The following CNTNAP2 variants were observed in gnomAD, a reference collection of about 807,000 sequenced individuals.
The protein encoded by CNTNAP2 is contactin-associated protein-like 2.
CNTNAP2 carries 98 observed loss-of-function variants against 155.2 expected under a neutral mutation model. The ratio of observed to expected loss-of-function variants is 0.63; its 90% CI spans 0.54 to 0.75. The LOEUF (loss-of-function observed/expected upper bound fraction) is 0.75, where lower values mean the gene tolerates loss of function less well. Among genes scored for constraint, CNTNAP2 ranks in the 30% least tolerant of loss-of-function variants. CNTNAP2 has a pLI of 0.00. For missense variants in CNTNAP2, 1,727 were observed against 1,688.1 expected, an observed-to-expected ratio of 1.02 and a Z score of -0.40; for synonymous variants, 651 against 631.2, an observed-to-expected ratio of 1.03 and a Z score of -0.47.
chr7:147,388,684 G>A (rs537861923), intron 9 of CNTNAP2, among the ~76,000 whole-genome samples: 19 of 151,956 alleles, frequency 1.3e-4, no homozygotes, highest in East Asian at 5.8e-4. Flanking sequence ...AAGTTCAAGC[G>A]TTTCTCCTGC....
At chr7:146,760,864 G>T in intron 1 of CNTNAP2, among the ~76,000 whole-genome samples, 1 of 151,916 alleles carries the variant, frequency 6.6e-6, no homozygotes, top group South Asian at 2.1e-4. Flanking sequence ...ACTCAATGAA[G>T]GAGCCGTTTC....
intron 17 of CNTNAP2, among the ~76,000 whole-genome samples, chr7:148,162,891 T>G (rs1805577020): frequency 6.6e-6 from 1 of 152,184 alleles, no homozygotes; most frequent in Non-Finnish European, 1.5e-5. Flanking sequence ...CCCCAGCTAC[T>G]CAGGAGGCTG....
In CNTNAP2 at chr7:147,315,478, C is replaced by CT. The variant is rs3050776; in HGVS notation, c.1498+15209dup. ...TCTCTATGGATTTGTTTATTCTGGA[C>CT]TTTTTTTTTTTTTTTTTTTTTGAGA... On this transcript the variant is annotated intron_variant, in intron 9 of 23. Transcript: ENST00000361727. Among the ~76,000 whole-genome samples, 970 of 103,894 alleles carry CT rather than the reference C, an allele frequency of 9.3e-3. 26 individuals carry two copies. The highest frequency in any genetic ancestry group is 0.017 in the East Asian group (57 of 3,416). 68.2% of individuals were successfully genotyped at this position (103,894 alleles called of 152,430 possible). A position where few individuals can be genotyped will look rare whatever the true frequency, so the allele number is the denominator to read the frequency against.
At chr7:146,171,111 G>T (rs113602352) in intron 1 of CNTNAP2, among the ~76,000 whole-genome samples, 2 of 151,994 alleles carry the variant, frequency 1.3e-5, no homozygotes, top group Non-Finnish European at 2.9e-5. Context: ...TGGATTTTTT[G>T]TGTGTTTGTT....
At chr7:147,036,826 G>A (rs1799158949) in intron 3 of CNTNAP2, among the ~76,000 whole-genome samples, 1 of 152,098 alleles carries the variant, frequency 6.6e-6, no homozygotes, top group South Asian at 2.1e-4. Flanking sequence ...CTTAAAGATT[G>A]TATAAAAACT....
intron 3 of CNTNAP2, among the ~76,000 whole-genome samples, chr7:146,852,233 G>A (rs770059260): frequency 2.6e-5 from 4 of 152,100 alleles, no homozygotes; most frequent in Non-Finnish European, 4.4e-5. Flanking sequence ...TATTGCTAGG[G>A]TGTTGATAGG....
At chr7:148,344,631 A>G (rs144760807) in intron 21 of CNTNAP2, among the ~76,000 whole-genome samples, 2 of 152,292 alleles carry the variant, frequency 1.3e-5, no homozygotes, top group East Asian at 3.9e-4. Flanking sequence ...CGTCCATTCA[A>G]TATGTCTATC....
intron 15 of CNTNAP2, among the ~76,000 whole-genome samples, chr7:147,992,243 T>C (rs1463235424): frequency 6.6e-6 from 1 of 151,842 alleles, no homozygotes; most frequent in Admixed American, 6.6e-5. Context: ...AACAGGAGCA[T>C]GCCACCACAC....
intron 13 of CNTNAP2, among the ~76,000 whole-genome samples, chr7:147,807,980 CTTT>C (rs140883778): frequency 1.3e-5 from 2 of 150,832 alleles, no homozygotes; most frequent in Non-Finnish European, 3.0e-5. Flanking sequence ...TGTTCACTTT[CTTT>C]TTTAAAAAAA....
Position 148,098,444 on chromosome 7 carries a change from GAAAAAA to G in CNTNAP2, c.2384-19654_2384-19649del, listed in dbSNP as rs61014019. Among the ~76,000 whole-genome samples, 494 of 56,430 alleles carry G rather than the reference GAAAAAA, an allele frequency of 8.8e-3. 5 individuals carry two copies. The highest frequency in any genetic ancestry group is 0.037 in the African/African-American group (464 of 12,506). 37.0% of individuals were successfully genotyped at this position (56,430 alleles called of 152,430 possible). A position where few individuals can be genotyped will look rare whatever the true frequency, so the allele number is the denominator to read the frequency against. ...GGTGACAGAGCGAGACTCTGTCTCA[GAAAAAA>G]AAAAAAAAAAAAAAAAAAAGCATGC... is the stretch of plus-strand genomic sequence containing the variant. On this transcript the variant is annotated intron_variant, in intron 15 of 23. Coordinates refer to ENST00000361727, the MANE Select transcript of CNTNAP2 (RefSeq NM_014141.6).
intron 2 of CNTNAP2, among the ~76,000 whole-genome samples, chr7:146,825,309 C>T (rs1006360851): frequency 6.6e-6 from 1 of 152,076 alleles, no homozygotes; most frequent in Non-Finnish European, 1.5e-5. Context: ...GTGCCATTCA[C>T]CTTCATAGGA....
intron 13 of CNTNAP2, among the ~76,000 whole-genome samples, chr7:147,681,367 A>G (rs1460400311): frequency 3.9e-5 from 6 of 152,084 alleles, no homozygotes; most frequent in Non-Finnish European, 7.4e-5. Flanking sequence ...TCAGTGGGTC[A>G]CTTTTGTGCT....
At chr7:146,950,894 A>C (rs1221845989) in intron 3 of CNTNAP2, among the ~76,000 whole-genome samples, 1 of 152,052 alleles carries the variant, frequency 6.6e-6, no homozygotes, top group African/African-American at 2.4e-5. Context: ...GGTTGAACTA[A>C]TTTACGCTCC....
chr7:146,428,599 T>G (rs1029913559), intron 1 of CNTNAP2, among the ~76,000 whole-genome samples: 4 of 150,442 alleles, frequency 2.7e-5, no homozygotes, highest in Admixed American at 1.3e-4. Flanking sequence ...GGGTTGTTTG[T>G]TTTTTTTTCT....
At chr7:146,278,366 A>C (rs1222606005) in intron 1 of CNTNAP2, among the ~76,000 whole-genome samples, 1 of 152,192 alleles carries the variant, frequency 6.6e-6, no homozygotes. Context: ...AATTTGAATT[A>C]ATGCCTTTTA....
chr7:146,331,212 G>C (rs1271742457), intron 1 of CNTNAP2, among the ~76,000 whole-genome samples: 1 of 151,194 alleles, frequency 6.6e-6, no homozygotes, highest in African/African-American at 2.4e-5. Context: ...GCTGAGGCAG[G>C]AGAATGGCGT....
intron 2 of CNTNAP2, among the ~76,000 whole-genome samples, chr7:146,809,174 A>C (rs1236043159): frequency 6.6e-6 from 1 of 152,144 alleles, no homozygotes; most frequent in East Asian, 1.9e-4. Flanking sequence ...ATCAGTTTAA[A>C]TTCCTACCAA....
At chr7:147,921,324 T>A (rs1259729745) in intron 14 of CNTNAP2, among the ~76,000 whole-genome samples, 1 of 152,212 alleles carries the variant, frequency 6.6e-6, no homozygotes, top group Non-Finnish European at 1.5e-5. Flanking sequence ...AATCTCCTCA[T>A]GATCCAGATA....
intron 1 of CNTNAP2, among the ~76,000 whole-genome samples, chr7:146,638,774 C>T (rs919905092): frequency 9.2e-5 from 14 of 151,930 alleles, no homozygotes; most frequent in Admixed American, 2.6e-4. Context: ...CTTGAGCCAC[C>T]GCGCCCGGCC....
Sources: gnomAD v4.1 joint callset for allele counts (sites outside exome capture counted in the v4.1 genomes callset) on GRCh38, gnomAD v4.1.1 for gene constraint, MANE v1.5 for transcripts, NCBI Gene and HGNC (gene_info 2026-07-23, HGNC 2026-07-21) for gene names.